The following OSBPL9 variants were observed in gnomAD, a reference collection of about 807,000 sequenced individuals.
The protein encoded by OSBPL9 is oxysterol-binding protein-related protein 9.
A neutral mutation model predicts 106.6 loss-of-function variants in OSBPL9; 40 were observed. The ratio of observed to expected loss-of-function variants is 0.38; its 90% confidence interval spans 0.29 to 0.49. OSBPL9 has a LOEUF of 0.49. Ranked by LOEUF, OSBPL9 falls within the 20% of genes least tolerant of loss-of-function variation. The probability of loss-of-function intolerance (pLI) is 0.97; values close to 1 mark genes in which losing one functional copy is unlikely to be tolerated. For missense variants in OSBPL9, 609 were observed against 887.2 expected (o/e 0.69, Z 3.98); for synonymous variants, 269 against 295.4 (o/e 0.91, Z 0.92).
chr1:51,657,388 C>G (rs1200938121), intron 2 of OSBPL9, among the ~76,000 whole-genome samples: 1 of 152,192 alleles, frequency 6.6e-6, no homozygotes, highest in East Asian at 1.9e-4. Flanking sequence ...TATCATAACC[C>G]TGTCAGGTAA....
At chr1:51,620,846 A>G (rs934097924) in intron 1 of OSBPL9, among the ~76,000 whole-genome samples, 1 of 152,166 alleles carries the variant, frequency 6.6e-6, no homozygotes, top group Non-Finnish European at 1.5e-5. Context: ...ATAGAAATTT[A>G]AAAAAATAAA....
At chr1:51,647,021 T>C (rs1237121326) in intron 1 of OSBPL9, among the ~76,000 whole-genome samples, 1 of 152,242 alleles carries the variant, frequency 6.6e-6, no homozygotes. Flanking sequence ...ATAAAGCTTT[T>C]AATCTTTCAT....
At chr1:51,599,321 G>A (rs1645316862) in intron 2 of OSBPL9, among the ~76,000 whole-genome samples, 2 of 152,134 alleles carry the variant, frequency 1.3e-5, no homozygotes, top group Admixed American at 6.5e-5. Flanking sequence ...CTGGTAAGCT[G>A]GAATCGCTTG....
At chr1:51,529,871 G>A in the OSBPL9 span, among the ~76,000 whole-genome samples, 1 of 151,418 alleles carries the variant, frequency 6.6e-6, no homozygotes, top group Non-Finnish European at 1.5e-5. Flanking sequence ...AGTTGCTTAA[G>A]TATAAAACTC....
chr1:51,722,925 A>C (rs1462100765), intron 4 of OSBPL9, among the ~76,000 whole-genome samples: 1 of 152,226 alleles, frequency 6.6e-6, no homozygotes, highest in Non-Finnish European at 1.5e-5. Flanking sequence ...ATTTGGCCTG[A>C]CTTGCTAGGC....
chr1:51,697,843 C>T (rs544097366), intron 3 of OSBPL9, among the ~76,000 whole-genome samples: 2 of 149,760 alleles, frequency 1.3e-5, no homozygotes, highest in South Asian at 2.2e-4. Context: ...TATATTGTTT[C>T]CATATAAACC....
At chr1:51,623,768 A>T (rs1644588304) in intron 1 of OSBPL9, among the ~76,000 whole-genome samples, 1 of 152,190 alleles carries the variant, frequency 6.6e-6, no homozygotes, top group South Asian at 2.1e-4. Context: ...GCTTAAATGT[A>T]TATATTTCTC....
Position 51,729,658 on chromosome 1 carries a change from C to A in OSBPL9, c.318+15579C>A. On this transcript the variant is annotated intron_variant, in intron 4 of 23. Coordinates refer to ENST00000428468, the MANE Select transcript of OSBPL9 (RefSeq NM_024586.6). The surrounding 1 kb of genome is among the most constrained non-coding windows in gnomAD (Gnocchi z 5.1). ...GAGCTGCCAGCTCCCTCGGCCTCTC[C>A]ACCCAAAACTGGCCCAACCGCCAAT... The A allele has an allele frequency of 2.8e-6, 1 of 362,448 alleles. No homozygotes were observed. Among genetic ancestry groups the A allele is most frequent in the Non-Finnish European group, 4.5e-6 (1 of 223,044 alleles). The allele number at this position is 362,448 out of a possible 1,614,324, so 22.5% of individuals were successfully genotyped here. A position where few individuals can be genotyped will look rare whatever the true frequency, so the allele number is the denominator to read the frequency against.
chr1:51,628,058 ATT>A (rs34103866), intron 1 of OSBPL9, among the ~76,000 whole-genome samples: 4 of 143,588 alleles, frequency 2.8e-5, no homozygotes, highest in African/African-American at 2.5e-5. Flanking sequence ...CCTACTCTCA[ATT>A]TTTTTTTTTT....
chr1:51,660,984 C>G (rs1294184184), intron 2 of OSBPL9, among the ~76,000 whole-genome samples: 1 of 152,108 alleles, frequency 6.6e-6, no homozygotes, highest in African/African-American at 2.4e-5. Context: ...TTTTGGCAAA[C>G]TTAAAAAAAA....
intron 3 of OSBPL9, among the ~76,000 whole-genome samples, chr1:51,700,090 A>G (rs932141668): frequency 1.3e-5 from 2 of 152,184 alleles, no homozygotes; most frequent in East Asian, 3.8e-4. Flanking sequence ...TTATTTTCCA[A>G]TCATCCATGT....
chr1:51,638,957 T>C (rs1171724429), intron 1 of OSBPL9, among the ~76,000 whole-genome samples: 3 of 152,074 alleles, frequency 2.0e-5, no homozygotes, highest in Admixed American at 2.0e-4. Context: ...AAAAAAAAAC[T>C]ACAGGAGTGA....
At chr1:51,644,226 AAAG>A (rs1232507786) in intron 1 of OSBPL9, among the ~76,000 whole-genome samples, 16 of 152,128 alleles carry the variant, frequency 1.1e-4, no homozygotes, top group Non-Finnish European at 2.2e-4. Context: ...TGACCTCATG[AAAG>A]AAGATTTGAG....
intron 1 of OSBPL9, among the ~76,000 whole-genome samples, chr1:51,582,404 T>A (rs1645225683): frequency 6.6e-6 from 1 of 152,222 alleles, no homozygotes; most frequent in Admixed American, 6.5e-5. Context: ...CCTGGCTAAC[T>A]GCAACCTCCA....
upstream of OSBPL9, chr1:51,573,977 T>C (rs1209113191): frequency 2.6e-5 from 4 of 152,168 alleles, no homozygotes; most frequent in Non-Finnish European, 5.9e-5. Flanking sequence ...TTTGTCTCCA[T>C]AAAATTATCC....
At chr1:51,740,533 T>A (rs1467617535) in intron 4 of OSBPL9, among the ~76,000 whole-genome samples, 1 of 152,150 alleles carries the variant, frequency 6.6e-6, no homozygotes, top group Non-Finnish European at 1.5e-5. Flanking sequence ...CCTGTTTTTC[T>A]TGTTATTCTG....
intron 3 of OSBPL9, among the ~76,000 whole-genome samples, chr1:51,703,893 T>A (rs2148861691): frequency 6.6e-6 from 1 of 152,348 alleles, no homozygotes; most frequent in Admixed American, 6.5e-5. Context: ...ATTGAGATAA[T>A]CATGTGGTTT....
intron 3 of OSBPL9, among the ~76,000 whole-genome samples, chr1:51,711,705 C>T (rs1168535928): frequency 6.9e-6 from 1 of 145,680 alleles, no homozygotes; most frequent in Non-Finnish European, 1.5e-5. Flanking sequence ...ACGGGGCGGC[C>T]GGGCAGAGAT....
rs184419946 is a variant in OSBPL9, at chr1:51,748,517, A to T, written c.492+119A>T. 2.6e-4 allele frequency: 291 copies of T among 1,108,568 alleles called. 1 individual carries two copies. The African/African-American group carries it at 4.2e-3, about 16-fold the overall frequency. 68.7% of individuals were successfully genotyped at this position (1,108,568 alleles called of 1,614,324 possible). A position where few individuals can be genotyped will look rare whatever the true frequency, so the allele number is the denominator to read the frequency against. Reference sequence around the variant, plus strand: ...TGAGATGTTAGTTTTTATGAATATTATACAGGGGTGCTTAAGCATTGTATT... The same window carrying T: ...TGAGATGTTAGTTTTTATGAATATTTTACAGGGGTGCTTAAGCATTGTATT... On this transcript the variant is annotated intron_variant, in intron 7 of 23. Coordinates refer to ENST00000428468, the MANE Select transcript of OSBPL9 (RefSeq NM_024586.6).
Sources: allele counts gnomAD v4.1 joint callset (sites outside exome capture counted in the v4.1 genomes callset), GRCh38; gene constraint gnomAD v4.1.1; non-coding constraint Gnocchi (gnomAD v3.1); transcripts MANE v1.5; gene names NCBI Gene and HGNC (gene_info 2026-07-23, HGNC 2026-07-21).